Variants in PTCHD4 observed in about 807,000 individuals in gnomAD.
PTCHD4 encodes patched domain containing 4, also known as patched domain-containing protein 4.
Under a neutral mutation model 58.1 loss-of-function variants are expected in PTCHD4, and 33 were observed. The observed-to-expected ratio is 0.57, with a 90% CI of 0.43 to 0.76. PTCHD4 has a LOEUF of 0.76. PTCHD4 is among the 30% of genes least tolerant of loss of function. The pLI is 0.00. For missense variants in PTCHD4, 1,058 were observed against 1,027.1 expected (o/e 1.03, Z -0.41); for synonymous variants, 478 against 409.6 (o/e 1.17, Z -2.02).
At chr6:47,891,687 CA>C (rs1389520945) in intron 4 of PTCHD4, among the ~76,000 whole-genome samples, 7 of 152,166 alleles carry the variant, frequency 4.6e-5, no homozygotes, top group African/African-American at 1.7e-4. Context: ...AATCATCTAA[CA>C]TTTGCAACAG....
chr6:47,917,973 G>A (rs148313685), intron 4 of PTCHD4, among the ~76,000 whole-genome samples: 4 of 152,202 alleles, frequency 2.6e-5, no homozygotes, highest in East Asian at 1.9e-4. Context: ...TAGAGGTGGC[G>A]GGGGGATGGA....
intron 4 of PTCHD4, among the ~76,000 whole-genome samples, chr6:47,891,590 T>G (rs1764383257): frequency 6.6e-6 from 1 of 152,196 alleles, no homozygotes; most frequent in African/African-American, 2.4e-5. Flanking sequence ...TAATAATTAC[T>G]AAGATAACTA....
At chr6:47,968,687 A>T (rs1281076511) in intron 4 of PTCHD4, among the ~76,000 whole-genome samples, 4 of 152,140 alleles carry the variant, frequency 2.6e-5, no homozygotes, top group Non-Finnish European at 4.4e-5. Flanking sequence ...GTATTTTTTT[A>T]AAAATAATTT....
intron 4 of PTCHD4, among the ~76,000 whole-genome samples, chr6:47,949,517 G>A (rs1463954861): frequency 6.6e-6 from 1 of 152,186 alleles, no homozygotes; most frequent in Non-Finnish European, 1.5e-5. Context: ...CCACAAGCGG[G>A]AAATCTGCAG....
At chr6:48,106,940 G>T (rs1379359346) in intron 1 of PTCHD4, among the ~76,000 whole-genome samples, 1 of 152,122 alleles carries the variant, frequency 6.6e-6, no homozygotes, top group African/African-American at 2.4e-5. Flanking sequence ...ACTGCTCAAT[G>T]AAATAAAAGA....
At chr6:47,993,140 CA>C (rs1350013229) in intron 4 of PTCHD4, among the ~76,000 whole-genome samples, 1 of 152,122 alleles carries the variant, frequency 6.6e-6, no homozygotes. Context: ...AATTATACGT[CA>C]AACTACTTTT....
At chr6:48,056,497 C>T (rs1401429571) in intron 3 of PTCHD4, among the ~76,000 whole-genome samples, 1 of 152,086 alleles carries the variant, frequency 6.6e-6, no homozygotes, top group Non-Finnish European at 1.5e-5. Context: ...TTTCTATTTT[C>T]TCATAGTTAA....
chr6:47,879,067 T>C lies in PTCHD4; in HGVS notation c.1768A>G (p.Ile590Val). The C allele has an allele frequency of 6.2e-7, 1 of 1,613,332 alleles. No individual in the cohort carries two copies. The highest frequency in any genetic ancestry group is 8.5e-7 in the Non-Finnish European group (1 of 1,179,618). Residue 590 changes from isoleucine (I) to valine (V), a missense_variant, in exon 5 of 5, where the codon ATC becomes GTC. Physicochemically the swap from Ile to Val is conservative, Grantham distance 29 (BLOSUM62 3). Coordinates refer to ENST00000339488, the MANE Select transcript of PTCHD4 (RefSeq NM_001384253.1). ...CTTTCATCCCCTGCCTTGGAGAAGA[T>C]GATATCATTTCGAAAATGCTGGAAT... Reference protein sequence around the residue: ...PEFQHFRNDIIFSKAGDESNI... With the variant: ...PEFQHFRNDIVFSKAGDESNI...
At chr6:47,999,641 C>A (rs1581996178) in intron 4 of PTCHD4, among the ~76,000 whole-genome samples, 1 of 152,164 alleles carries the variant, frequency 6.6e-6, no homozygotes. Context: ...ACGCAGAGGT[C>A]AGAAGAGCTA....
At chr6:47,958,364 C>T (rs184415932) in intron 4 of PTCHD4, among the ~76,000 whole-genome samples, 1 of 152,108 alleles carries the variant, frequency 6.6e-6, no homozygotes, top group Non-Finnish European at 1.5e-5. Flanking sequence ...CAAGACCACA[C>T]CTAAAACAAC....
intron 4 of PTCHD4, among the ~76,000 whole-genome samples, chr6:47,993,966 A>G (rs1768376795): frequency 1.3e-5 from 2 of 152,312 alleles, no homozygotes; most frequent in South Asian, 4.1e-4. Context: ...AAAGTATAAG[A>G]GACAAAATAG....
In PTCHD4 at chr6:47,943,470, C is replaced by T. The variant is rs113640690; in HGVS notation, c.899-63534G>A. Among the ~76,000 whole-genome samples the T allele has an allele frequency of 5.8e-4, 88 of 152,128 alleles. 1 individual carries two copies. The East Asian group carries it at 0.016, about 28-fold the overall frequency. ...TAAATCCAGAGAGGAAAAATTTACACGTGCTGTGGGGAGGCAGTGAAGGGT... is the reference window on the plus strand; with the variant it reads ...TAAATCCAGAGAGGAAAAATTTACATGTGCTGTGGGGAGGCAGTGAAGGGT... On this transcript the variant is annotated intron_variant, in intron 4 of 4. Coordinates refer to ENST00000339488, the MANE Select transcript of PTCHD4 (RefSeq NM_001384253.1).
intron 4 of PTCHD4, among the ~76,000 whole-genome samples, chr6:47,941,718 T>C (rs115313249): frequency 0.014 from 2,104 of 152,328 alleles, 51 homozygotes; most frequent in African/African-American, 0.048. Flanking sequence ...AAAATGAAGT[T>C]AATGATAGTA....
At chr6:47,980,114 T>C (rs1010051699) in intron 4 of PTCHD4, among the ~76,000 whole-genome samples, 5 of 152,074 alleles carry the variant, frequency 3.3e-5, no homozygotes, top group African/African-American at 1.2e-4. Context: ...GAGTAAAAAG[T>C]ATTTCCCTGC....
intron 4 of PTCHD4, among the ~76,000 whole-genome samples, chr6:47,889,732 AC>A (rs1764318146): frequency 6.6e-6 from 1 of 151,148 alleles, no homozygotes; most frequent in Admixed American, 6.6e-5. Context: ...TAAATGTTAG[AC>A]CTAAAACCAT....
At chr6:47,909,308 T>C (rs1429679607) in intron 4 of PTCHD4, among the ~76,000 whole-genome samples, 1 of 152,110 alleles carries the variant, frequency 6.6e-6, no homozygotes, top group Non-Finnish European at 1.5e-5. Flanking sequence ...TTTCTTCATA[T>C]GATATGATGT....
rs147382297 is a variant in PTCHD4 at position 47,992,130 on chromosome 6, C to T, written c.898+16504G>A. On this transcript the variant is annotated intron_variant, in intron 4 of 4. Transcript: ENST00000339488. ...GGTTAGTACAAAAACAATGGAGAAA[C>T]GACAAATATGAACAAAATATTCTGA... Among the ~76,000 whole-genome samples, 1,249 of 152,024 alleles carry T rather than the reference C, an allele frequency of 8.2e-3. 15 individuals carry two copies. The highest frequency in any genetic ancestry group is 0.034 in the South Asian group (164 of 4,820).
At chr6:48,014,778 G>A (rs1186666677) in intron 3 of PTCHD4, among the ~76,000 whole-genome samples, 2 of 152,050 alleles carry the variant, frequency 1.3e-5, no homozygotes, top group African/African-American at 4.8e-5. Flanking sequence ...AAGCTCTTTT[G>A]TTTAATAGAT....
At position 47,978,589 on chromosome 6, in the gene PTCHD4, A is replaced by G. The variant is rs148668988; in HGVS notation, c.898+30045T>C. Among the ~76,000 whole-genome samples, 1,316 of 152,286 alleles carry G rather than the reference A, an allele frequency of 8.6e-3. 10 individuals are homozygous for G. The highest frequency in any genetic ancestry group is 0.012 in the Non-Finnish European group (813 of 67,994). ...GTTTCTAATTATGATAAGAATTGCTATCAGTTATTTCATTCTTCCTATGTT... is the reference window on the plus strand; with the variant it reads ...GTTTCTAATTATGATAAGAATTGCTGTCAGTTATTTCATTCTTCCTATGTT... On this transcript the variant is annotated intron_variant, in intron 4 of 4. Coordinates refer to ENST00000339488, the MANE Select transcript of PTCHD4 (RefSeq NM_001384253.1).
Sources: allele counts gnomAD v4.1 joint callset (sites outside exome capture counted in the v4.1 genomes callset), GRCh38; gene constraint gnomAD v4.1.1; transcripts MANE v1.5; gene names NCBI Gene and HGNC (gene_info 2026-07-23, HGNC 2026-07-21).